MRPL3: variants seen among roughly 807,000 people sequenced by gnomAD.
MRPL3 encodes mitochondrial ribosomal protein L3, also known as large ribosomal subunit protein uL3m.
A neutral mutation model predicts 44.3 loss-of-function variants in MRPL3; 43 were observed. That is an observed-to-expected ratio of 0.97 (90% CI 0.76 to 1.25). MRPL3 has a LOEUF of 1.25. Among genes scored for constraint, MRPL3 ranks in the 50% most tolerant of loss-of-function variants. The pLI, the probability that MRPL3 is intolerant of heterozygous loss-of-function variation, is 0.00. For missense variants in MRPL3, 406 were observed against 427.6 expected (o/e 0.95, Z 0.45); for synonymous variants, 171 against 152.3 (o/e 1.12, Z -0.91).
At chr3:131,488,258 A>G in intron 5 of MRPL3, among the ~76,000 whole-genome samples, 1 of 152,150 alleles carries the variant, frequency 6.6e-6, no homozygotes, top group East Asian at 1.9e-4. Flanking sequence ...TTGTACCAAT[A>G]AACTATAGTT....
intron 5 of MRPL3, 102 bp downstream of exon 5, chr3:131,489,879 G>T: frequency 7.8e-6 from 5 of 638,322 alleles, no homozygotes; most frequent in Admixed American, 2.6e-5. Flanking sequence ...GTAAGTGTTT[G>T]AGACTTTGCA....
chr3:131,469,266 C>A (rs1443985373), intron 8 of MRPL3, among the ~76,000 whole-genome samples: 1 of 150,244 alleles, frequency 6.7e-6, no homozygotes, highest in Non-Finnish European at 1.5e-5. Context: ...GATATATAAT[C>A]CAAGAACCTG....
At chr3:131,473,089 A>G (rs114760316) in intron 6 of MRPL3, among the ~76,000 whole-genome samples, 1,834 of 152,316 alleles carry the variant, frequency 0.012, 45 homozygotes, top group African/African-American at 0.041. Flanking sequence ...ACCACAAAAG[A>G]CACTGAATAG....
chr3:131,486,068 C>G (rs988276669), intron 6 of MRPL3, among the ~76,000 whole-genome samples: 4 of 152,052 alleles, frequency 2.6e-5, no homozygotes, highest in African/African-American at 7.2e-5. Flanking sequence ...TTGACAACAA[C>G]AAGAAATGGG....
intron 6 of MRPL3, 55 bp from the exon 7 acceptor site, chr3:131,471,334 A>C: frequency 5.0e-6 from 6 of 1,194,918 alleles, no homozygotes; most frequent in Non-Finnish European, 7.5e-6. Flanking sequence ...GACCATTCCC[A>C]ATTGTACACT....
chr3:131,479,982 C>T (rs1463775232), intron 6 of MRPL3, among the ~76,000 whole-genome samples: 1 of 152,130 alleles, frequency 6.6e-6, no homozygotes, highest in Non-Finnish European at 1.5e-5. Context: ...TTCAAACTAT[C>T]CAAATGTTCT....
rs35694649 is a variant in MRPL3 at position 131,499,729 on chromosome 3, TATA to T, written c.369+698_369+700del. Among the ~76,000 whole-genome samples the T allele has an allele frequency of 2.1e-3, 317 of 150,588 alleles. 2 individuals carry two copies. The highest frequency in any genetic ancestry group is 6.5e-3 in the African/African-American group (264 of 40,774). ...TGATGATCTCTTACCAGTATCTTTC[TATA>T]ATAATAATAATAATAATAATAACAA... On this transcript the variant is annotated intron_variant, in intron 3 of 9. Transcript: ENST00000264995.
chr3:131,463,399 T>C (rs1042012951), intron 9 of MRPL3, among the ~76,000 whole-genome samples: 1 of 151,348 alleles, frequency 6.6e-6, no homozygotes, highest in East Asian at 1.9e-4. Context: ...AAAAAAGTCC[T>C]GTATTGACGG....
At position 131,502,909 on chromosome 3, in the gene MRPL3, G is replaced by A. The variant is rs899343605; in HGVS notation, c.-88C>T. 3.2e-6 allele frequency: 4 copies of A among 1,252,448 alleles called. No individual in the cohort carries two copies. In the South Asian group the frequency reaches 5.0e-5, roughly 16 times the overall value. The allele number at this position is 1,252,448 out of a possible 1,614,324, so 77.6% of individuals were successfully genotyped here. ...GTCCCCACGCCACCGCCACGTGGAC[G>A]CAGTAGCCGTGGGGAAGTTTTCGCA... is the stretch of plus-strand genomic sequence containing the variant. On this transcript the variant is annotated 5_prime_UTR_variant, in exon 1 of 10. Transcript: ENST00000264995.
intron 6 of MRPL3, among the ~76,000 whole-genome samples, chr3:131,481,478 A>T (rs978310145): frequency 6.6e-6 from 1 of 152,222 alleles, no homozygotes; most frequent in Non-Finnish European, 1.5e-5. Context: ...ATTTACAATT[A>T]TTCTTATGTT....
At chr3:131,481,062 G>T (rs571944373) in intron 6 of MRPL3, among the ~76,000 whole-genome samples, 4 of 152,248 alleles carry the variant, frequency 2.6e-5, no homozygotes, top group Admixed American at 2.6e-4. Flanking sequence ...CAGATTAGAA[G>T]AAAAATATTA....
chr3:131,483,376 T>C (rs191600065), intron 6 of MRPL3, among the ~76,000 whole-genome samples: 3 of 152,304 alleles, frequency 2.0e-5, no homozygotes, highest in East Asian at 1.9e-4. Context: ...AATAAAACTA[T>C]GTAAAAATGT....
At chr3:131,470,521 G>T (rs2110696118) in intron 7 of MRPL3, among the ~76,000 whole-genome samples, 1 of 152,126 alleles carries the variant, frequency 6.6e-6, no homozygotes, top group East Asian at 1.9e-4. Flanking sequence ...AGGCTTAAAA[G>T]ACAATTCTGA....
Position 131,502,932 on chromosome 3 carries a change from G to A in MRPL3, c.-111C>T. 2.0e-6 allele frequency: 2 copies of A among 1,004,670 alleles called. No homozygotes were observed. The highest frequency in any genetic ancestry group is 1.4e-5 in the South Asian group (1 of 72,620). The allele number at this position is 1,004,670 out of a possible 1,614,324, so 62.2% of individuals were successfully genotyped here. A position where few individuals can be genotyped will look rare whatever the true frequency, so the allele number is the denominator to read the frequency against. On this transcript the variant is annotated 5_prime_UTR_variant, in exon 1 of 10. Coordinates refer to ENST00000264995, the MANE Select transcript of MRPL3 (RefSeq NM_007208.4). ...ACGCAGTAGCCGTGGGGAAGTTTTC[G>A]CAATGGCCGCCGGAACGGTCGCCGG...
chr3:131,501,811 AG>A lies in MRPL3; in HGVS notation c.93-97del, dbSNP rs768983115. On this transcript the variant is annotated intron_variant, in intron 1 of 9. Coordinates refer to ENST00000264995, the MANE Select transcript of MRPL3 (RefSeq NM_007208.4). Reference sequence around the variant, plus strand: ...AAGTCACAAATTGGAAAGTGTAGTCAGGGCCTTGGGAAAGGGCTTGGATTCT... The same window carrying A: ...AAGTCACAAATTGGAAAGTGTAGTCAGGCCTTGGGAAAGGGCTTGGATTCT... 4 of 1,599,390 alleles carry A rather than the reference AG, an allele frequency of 2.5e-6. No individual in the cohort carries two copies. The South Asian group carries it at 4.4e-5, about 18-fold the overall frequency.
At chr3:131,497,331 G>C (rs1451892762) in intron 4 of MRPL3, among the ~76,000 whole-genome samples, 4 of 152,194 alleles carry the variant, frequency 2.6e-5, no homozygotes, top group African/African-American at 9.7e-5. Context: ...TAATGCTTAT[G>C]CACGTGGCAT....
intron 4 of MRPL3, 23 bp downstream of exon 4, chr3:131,498,156 T>C (rs183925837): frequency 1.4e-6 from 2 of 1,457,140 alleles, no homozygotes; most frequent in Admixed American, 1.7e-5. Flanking sequence ...TGCAGTATTC[T>C]AGCTATGAAA....
intron 4 of MRPL3, among the ~76,000 whole-genome samples, chr3:131,491,808 C>T (rs540274170): frequency 1.7e-4 from 26 of 152,068 alleles, no homozygotes; most frequent in Non-Finnish European, 3.2e-4. Flanking sequence ...TCCACCCTTC[C>T]GACTCTCTAG....
chr3:131,489,093 A>G (rs2110709823), intron 5 of MRPL3, among the ~76,000 whole-genome samples: 1 of 152,252 alleles, frequency 6.6e-6, no homozygotes, highest in East Asian at 1.9e-4. Context: ...ATGTGTTAAT[A>G]CCAAAGAGAA....
Sources: allele counts gnomAD v4.1 joint callset (sites outside exome capture counted in the v4.1 genomes callset), GRCh38; gene constraint gnomAD v4.1.1; transcripts MANE v1.5; gene names NCBI Gene and HGNC (gene_info 2026-07-23, HGNC 2026-07-21).